The following ADARB1 variants were observed in gnomAD, a reference collection of about 807,000 sequenced individuals.
The protein encoded by ADARB1 is double-stranded RNA-specific editase 1.
Under a neutral mutation model 52.4 loss-of-function variants are expected in ADARB1, and 10 were observed. The ratio of observed to expected loss-of-function variants is 0.19; its 90% CI spans 0.12 to 0.32. The LOEUF (loss-of-function observed/expected upper bound fraction) is 0.32. ADARB1 is among the 10% of genes least tolerant of loss of function. ADARB1 has a pLI of 1.00. For missense variants in ADARB1, 643 were observed against 922.3 expected (o/e 0.70, Z 3.92); for synonymous variants, 349 against 371.1 (o/e 0.94, Z 0.68).
intron 2 of ADARB1, among the ~76,000 whole-genome samples, chr21:45,143,894 C>T (rs1412907501): frequency 6.6e-6 from 1 of 152,214 alleles, no homozygotes; most frequent in Non-Finnish European, 1.5e-5. Context: ...CTGTTGTCCC[C>T]TGACACTTGA....
chr21:45,224,420 G>C lies in ADARB1; in HGVS notation c.*2223G>C, dbSNP rs2096563510. The C allele has an allele frequency of 2.1e-6, 2 of 971,676 alleles. No individual in the cohort carries two copies. The highest frequency in any genetic ancestry group is 2.4e-6 in the Non-Finnish European group (2 of 824,820). 60.2% of individuals were successfully genotyped at this position (971,676 alleles called of 1,614,324 possible). ...GTGGACTCGTGCGGCCTTGAGGACAGGCACAGGGCACCCTATCCCAAGCCG... is the reference window on the plus strand; with the variant it reads ...GTGGACTCGTGCGGCCTTGAGGACACGCACAGGGCACCCTATCCCAAGCCG... On this transcript the variant is annotated 3_prime_UTR_variant, in exon 11 of 11. Coordinates refer to ENST00000348831, the MANE Select transcript of ADARB1 (RefSeq NM_001112.4).
chr21:45,078,966 G>T (rs2086051466), intron 1 of ADARB1, among the ~76,000 whole-genome samples: 2 of 152,120 alleles, frequency 1.3e-5, no homozygotes, highest in Admixed American at 1.3e-4. Flanking sequence ...ATTTACCCAA[G>T]GTCACACAGG....
At chr21:45,215,351 G>T (rs1300564387) in intron 9 of ADARB1, among the ~76,000 whole-genome samples, 1 of 152,142 alleles carries the variant, frequency 6.6e-6, no homozygotes, top group Non-Finnish European at 1.5e-5. Flanking sequence ...TCTGGCTGCT[G>T]TAGGTTTTTT....
At chr21:45,186,748 A>C (rs948899092) in intron 8 of ADARB1, among the ~76,000 whole-genome samples, 2 of 152,006 alleles carry the variant, frequency 1.3e-5, no homozygotes, top group African/African-American at 4.8e-5. Context: ...TTTACAGTTG[A>C]TATTGTAATC....
chr21:45,169,960 G>A (rs2091414671), intron 2 of ADARB1, among the ~76,000 whole-genome samples: 1 of 152,224 alleles, frequency 6.6e-6, no homozygotes, highest in Admixed American at 6.5e-5. Flanking sequence ...GAGGGCATCT[G>A]CCCTGACTGC....
chr21:45,164,081 C>G (rs903012469), intron 2 of ADARB1, among the ~76,000 whole-genome samples: 6 of 152,052 alleles, frequency 3.9e-5, no homozygotes, highest in African/African-American at 1.4e-4. Flanking sequence ...CATGCTTTTT[C>G]CTTCTGGTGA....
chr21:45,213,240 C>T (rs921304585), intron 9 of ADARB1, among the ~76,000 whole-genome samples: 1 of 152,146 alleles, frequency 6.6e-6, no homozygotes, highest in Non-Finnish European at 1.5e-5. Context: ...TTAAGAACTA[C>T]AAAATATATA....
At chr21:45,077,722 A>G (rs1388495498) in intron 1 of ADARB1, among the ~76,000 whole-genome samples, 2 of 152,172 alleles carry the variant, frequency 1.3e-5, no homozygotes, top group African/African-American at 4.8e-5. Context: ...TCAACTTTCT[A>G]AAATAGGAAT....
intron 1 of ADARB1, among the ~76,000 whole-genome samples, chr21:45,094,747 A>T (rs1320955674): frequency 6.6e-6 from 1 of 152,102 alleles, no homozygotes; most frequent in Non-Finnish European, 1.5e-5. Context: ...AGAGGGGGGC[A>T]AATGAGACAT....
intron 1 of ADARB1, among the ~76,000 whole-genome samples, chr21:45,104,943 C>T (rs1181226512): frequency 6.6e-6 from 1 of 152,168 alleles, no homozygotes; most frequent in Non-Finnish European, 1.5e-5. Flanking sequence ...GTTCTGAGAA[C>T]AGAGTTGGAT....
chr21:45,212,339 G>T (rs562604968), intron 9 of ADARB1, among the ~76,000 whole-genome samples: 1 of 152,120 alleles, frequency 6.6e-6, no homozygotes, highest in South Asian at 2.1e-4. Flanking sequence ...TGGGGCTGCC[G>T]CCTCTACAGA....
chr21:45,223,950 T>C lies in ADARB1; in HGVS notation c.*1753T>C, dbSNP rs1176781006. On this transcript the variant is annotated 3_prime_UTR_variant, in exon 11 of 11. Transcript: ENST00000348831. ...TCCTCCACCGAAGAGGGTAGTTGTC[T>C]CCCTGAAGCAGTCACAGCAGGCGTC... The C allele has an allele frequency of 3.0e-6, 3 of 985,284 alleles. No homozygotes were observed. In the East Asian group the frequency reaches 3.4e-4, roughly 112 times the overall value. 61.0% of individuals were successfully genotyped at this position (985,284 alleles called of 1,614,324 possible). A position where few individuals can be genotyped will look rare whatever the true frequency, so the allele number is the denominator to read the frequency against.
chr21:45,113,193 G>T (rs1049367028), intron 1 of ADARB1, among the ~76,000 whole-genome samples: 6 of 152,246 alleles, frequency 3.9e-5, no homozygotes, highest in African/African-American at 1.4e-4. Flanking sequence ...GGGAGGCCGA[G>T]GTGGGTGGAT....
chr21:45,123,301 A>G (rs1302238030), intron 1 of ADARB1, among the ~76,000 whole-genome samples: 4 of 151,022 alleles, frequency 2.6e-5, no homozygotes, highest in Admixed American at 2.6e-4. Flanking sequence ...GTGTATAATT[A>G]ATTATAATTA....
chr21:45,184,559 T>C, intron 7 of ADARB1: 1 of 364,066 alleles, frequency 2.7e-6, no homozygotes, highest in Admixed American at 3.2e-5. Flanking sequence ...TAAGCGATCC[T>C]TCCACCTCAA....
At chr21:45,101,914 G>T (rs1352486434) in intron 1 of ADARB1, among the ~76,000 whole-genome samples, 2 of 152,142 alleles carry the variant, frequency 1.3e-5, no homozygotes, top group East Asian at 3.8e-4. Context: ...TTGGGACAGG[G>T]TCTCACTCTG....
intron 1 of ADARB1, among the ~76,000 whole-genome samples, chr21:45,099,537 G>A (rs1044963403): frequency 6.6e-6 from 1 of 151,916 alleles, no homozygotes; most frequent in African/African-American, 2.4e-5. Flanking sequence ...GTGTGGTGGC[G>A]CACACCTGTG....
chr21:45,205,609 GCA>G (rs1391360687), intron 9 of ADARB1, among the ~76,000 whole-genome samples: 1 of 152,194 alleles, frequency 6.6e-6, no homozygotes, highest in Non-Finnish European at 1.5e-5. Flanking sequence ...CCTGGTGTCT[GCA>G]CCTACCCTCG....
At chr21:45,191,017 C>G (rs2092267397) in intron 8 of ADARB1, among the ~76,000 whole-genome samples, 1 of 152,190 alleles carries the variant, frequency 6.6e-6, no homozygotes, top group Non-Finnish European at 1.5e-5. Context: ...ACTGTAGCTT[C>G]TCAGTTGGTC....
Sources: gnomAD v4.1 joint callset for allele counts (sites outside exome capture counted in the v4.1 genomes callset) on GRCh38, gnomAD v4.1.1 for gene constraint, MANE v1.5 for transcripts, NCBI Gene and HGNC (gene_info 2026-07-23, HGNC 2026-07-21) for gene names.